Variants in CNTNAP2 observed in about 807,000 individuals in gnomAD.
CNTNAP2 encodes contactin-associated protein-like 2.
A neutral mutation model predicts 155.2 loss-of-function variants in CNTNAP2; 98 were observed. That is an observed-to-expected ratio of 0.63 (90% confidence interval 0.54 to 0.75). The LOEUF is 0.75. CNTNAP2 is among the 30% of genes least tolerant of loss of function. CNTNAP2 has a pLI of 0.00. For synonymous variants in CNTNAP2, 651 were observed against 631.2 expected (o/e 1.03, Z -0.47); for missense variants, 1,727 against 1,688.1 (o/e 1.02, Z -0.40).
intron 8 of CNTNAP2, among the ~76,000 whole-genome samples, chr7:147,269,427 T>C (rs1804689851): frequency 6.6e-6 from 1 of 152,110 alleles, no homozygotes; most frequent in Admixed American, 6.6e-5. Context: ...CCAGACCCTG[T>C]AACATACAGA....
intron 3 of CNTNAP2, among the ~76,000 whole-genome samples, chr7:146,862,450 G>C (rs529575314): frequency 1.4e-3 from 213 of 152,028 alleles, no homozygotes; most frequent in African/African-American, 4.7e-3. Flanking sequence ...GAAAAAGAAA[G>C]AGACTCAAAT....
At chr7:147,691,606 C>T (rs937233811) in intron 13 of CNTNAP2, among the ~76,000 whole-genome samples, 8 of 152,154 alleles carry the variant, frequency 5.3e-5, no homozygotes, top group Non-Finnish European at 8.8e-5. Context: ...TTCCCCCACA[C>T]ATTTGCGGTG....
intron 12 of CNTNAP2, among the ~76,000 whole-genome samples, chr7:147,589,732 A>G (rs1402573714): frequency 6.6e-6 from 1 of 152,176 alleles, no homozygotes; most frequent in Non-Finnish European, 1.5e-5. Flanking sequence ...TCCATTGTGA[A>G]CAGTGCTGCT....
At chr7:147,309,651 G>T (rs1331390882) in intron 9 of CNTNAP2, among the ~76,000 whole-genome samples, 1 of 152,048 alleles carries the variant, frequency 6.6e-6, no homozygotes, top group South Asian at 2.1e-4. Context: ...ACCTGATTAT[G>T]CAAAAACAAC....
At chr7:147,221,520 G>A (rs1214328568) in intron 8 of CNTNAP2, among the ~76,000 whole-genome samples, 1 of 152,184 alleles carries the variant, frequency 6.6e-6, no homozygotes, top group Non-Finnish European at 1.5e-5. Context: ...CCCAAGCTTA[G>A]CATGGGTTCT....
At chr7:146,898,381 T>C (rs139715257) in intron 3 of CNTNAP2, among the ~76,000 whole-genome samples, 28 of 152,224 alleles carry the variant, frequency 1.8e-4, no homozygotes, top group African/African-American at 5.5e-4. Context: ...AAGCTATATA[T>C]GTATTGATTA....
In CNTNAP2 at chr7:147,410,369, C is replaced by T. The variant is rs141744502; in HGVS notation, c.1670+14589C>T. 3.3e-3 allele frequency among the ~76,000 whole-genome samples: 509 copies of T among 152,152 alleles called. 3 individuals carry two copies. Among genetic ancestry groups the T allele is most frequent in the Non-Finnish European group, 5.5e-3 (377 of 67,998 alleles). On this transcript the variant is annotated intron_variant, in intron 10 of 23. Coordinates refer to ENST00000361727, the MANE Select transcript of CNTNAP2 (RefSeq NM_014141.6). Reference sequence around the variant, plus strand: ...CACATGGACACATAGAGGGGAAAACCACACACTGGGGCCTGTCAGAGAGTG... The same window carrying T: ...CACATGGACACATAGAGGGGAAAACTACACACTGGGGCCTGTCAGAGAGTG...
At chr7:146,906,504 G>A (rs1250574145) in intron 3 of CNTNAP2, among the ~76,000 whole-genome samples, 8 of 151,954 alleles carry the variant, frequency 5.3e-5, no homozygotes, top group Non-Finnish European at 7.4e-5. Context: ...CCTGACCCCC[G>A]AGCAGCCTAA....
intron 12 of CNTNAP2, among the ~76,000 whole-genome samples, chr7:147,582,132 C>A (rs1164471983): frequency 6.6e-6 from 1 of 152,148 alleles, no homozygotes; most frequent in East Asian, 1.9e-4. Context: ...TGACAGCCAA[C>A]TCTAATGAGA....
intron 13 of CNTNAP2, among the ~76,000 whole-genome samples, chr7:147,895,859 A>T (rs1242836676): frequency 2.0e-5 from 3 of 152,234 alleles, no homozygotes; most frequent in South Asian, 2.1e-4. Flanking sequence ...AGTTACAGTG[A>T]TTTAACCAAA....
chr7:147,136,756 G>T (rs961443856), intron 8 of CNTNAP2, among the ~76,000 whole-genome samples: 5 of 151,818 alleles, frequency 3.3e-5, no homozygotes, highest in African/African-American at 1.2e-4. Flanking sequence ...GTGATAACTT[G>T]CCCCATGAGA....
chr7:147,845,226 G>A (rs887136839), intron 13 of CNTNAP2, among the ~76,000 whole-genome samples: 3 of 109,090 alleles, frequency 2.8e-5, no homozygotes, highest in African/African-American at 1.0e-4. Flanking sequence ...ATCTGGTGCT[G>A]GACTCTTTTT....
intron 1 of CNTNAP2, among the ~76,000 whole-genome samples, chr7:146,731,271 A>G (rs1354613468): frequency 6.6e-6 from 1 of 152,148 alleles, no homozygotes; most frequent in Non-Finnish European, 1.5e-5. Flanking sequence ...CGGCTGGATG[A>G]CAAGTTAGGA....
At chr7:146,217,516 T>A (rs1373009301) in intron 1 of CNTNAP2, among the ~76,000 whole-genome samples, 1 of 152,170 alleles carries the variant, frequency 6.6e-6, no homozygotes, top group Admixed American at 6.6e-5. Flanking sequence ...TCCACACGTA[T>A]TAATACTTAG....
At chr7:146,362,833 C>T (rs181501324) in intron 1 of CNTNAP2, among the ~76,000 whole-genome samples, 218 of 143,890 alleles carry the variant, frequency 1.5e-3, no homozygotes, top group African/African-American at 5.2e-3. Context: ...TGCAGTGGCA[C>T]GATCTCGGCT....
chr7:146,610,885 G>A (rs1432951404), intron 1 of CNTNAP2, among the ~76,000 whole-genome samples: 2 of 152,124 alleles, frequency 1.3e-5, no homozygotes, highest in Non-Finnish European at 2.9e-5. Context: ...CCCCAATGCT[G>A]TTTATACATT....
intron 13 of CNTNAP2, among the ~76,000 whole-genome samples, chr7:147,713,267 C>A (rs1189726343): frequency 6.6e-6 from 1 of 152,080 alleles, no homozygotes; most frequent in Non-Finnish European, 1.5e-5. Flanking sequence ...ATCACCACTA[C>A]AATTAAGGGA....
intron 2 of CNTNAP2, among the ~76,000 whole-genome samples, chr7:146,821,359 G>T (rs888403756): frequency 9.2e-5 from 14 of 152,022 alleles, no homozygotes; most frequent in African/African-American, 2.7e-4. Flanking sequence ...GGGCAGGCCT[G>T]GTGGTGACAA....
At chr7:147,377,954 C>A (rs1173689522) in intron 9 of CNTNAP2, 2 of 451,032 alleles carry the variant, frequency 4.4e-6, no homozygotes, top group Non-Finnish European at 9.0e-6. Context: ...TTTAAATGTT[C>A]TGGAAAATTC....
Sources: allele counts gnomAD v4.1 joint callset (sites outside exome capture counted in the v4.1 genomes callset), GRCh38; gene constraint gnomAD v4.1.1; transcripts MANE v1.5; gene names NCBI Gene and HGNC (gene_info 2026-07-23, HGNC 2026-07-21).